Variants in LOXHD1 observed in about 807,000 individuals in gnomAD.
The protein encoded by LOXHD1 is lipoxygenase homology PLAT domains 1, also known as lipoxygenase homology domain-containing protein 1.
LOXHD1 carries 205 observed loss-of-function variants against 248.2 expected under a neutral mutation model. The ratio of observed to expected loss-of-function variants is 0.83; its 90% CI spans 0.74 to 0.93. The LOEUF (loss-of-function observed/expected upper bound fraction) is 0.93, where lower values mean the gene tolerates loss of function less well. Among genes scored for constraint, LOXHD1 ranks in the 40% least tolerant of loss-of-function variants. LOXHD1 has a pLI of 0.00. For synonymous variants in LOXHD1, 1,113 were observed against 1,162.8 expected (o/e 0.96, Z 0.87); for missense variants, 2,930 against 2,971.6 (o/e 0.99, Z 0.33).
At chr18:46,621,306 A>T (rs2038665458) in intron 4 of LOXHD1, among the ~76,000 whole-genome samples, 1 of 152,226 alleles carries the variant, frequency 6.6e-6, no homozygotes, top group African/African-American at 2.4e-5. Flanking sequence ...AAGTCCCCAT[A>T]CATGGATGCT....
At chr18:46,640,888 CT>C (rs2038954447) in intron 3 of LOXHD1, among the ~76,000 whole-genome samples, 1 of 152,178 alleles carries the variant, frequency 6.6e-6, no homozygotes, top group African/African-American at 2.4e-5. Context: ...CATCTTACCC[CT>C]GTGAGGCTTT....
At chr18:46,513,944 T>C (rs956061443) in intron 34 of LOXHD1, among the ~76,000 whole-genome samples, 1 of 152,120 alleles carries the variant, frequency 6.6e-6, no homozygotes, top group African/African-American at 2.4e-5. Context: ...TCAGTGATGA[T>C]GTAAGTGTCC....
chr18:46,610,625 G>A, intron 6 of LOXHD1, 151 bp downstream of exon 6: 1 of 796,544 alleles, frequency 1.3e-6, no homozygotes, highest in South Asian at 2.7e-5. Flanking sequence ...AGGCCATAAG[G>A]AGGACAGAAT....
At position 46,477,301 on chromosome 18, in the gene LOXHD1, T is replaced by C. The variant is rs1038514070; in HGVS notation, c.*171A>G. 1.5e-5 allele frequency: 13 copies of C among 862,716 alleles called. No individual in the cohort carries two copies. In the Admixed American group the frequency reaches 2.0e-4, roughly 13 times the overall value. 53.4% of individuals were successfully genotyped at this position (862,716 alleles called of 1,614,324 possible). The stretch of plus-strand genomic sequence containing the variant: ...TGACACATGCTAATTATTATCACTG[T>C]AGGTTCAATAAACTGGGGGTAGGGT... On this transcript the variant is annotated 3_prime_UTR_variant, in exon 41 of 41. Transcript: ENST00000642948.
At chr18:46,621,415 A>G (rs1032814048) in intron 4 of LOXHD1, among the ~76,000 whole-genome samples, 4 of 152,220 alleles carry the variant, frequency 2.6e-5, no homozygotes, top group Non-Finnish European at 4.4e-5. Flanking sequence ...AACAAGGCCC[A>G]TGGCCCAATG....
At chr18:46,523,619 A>G (rs1039818024) in intron 31 of LOXHD1, among the ~76,000 whole-genome samples, 2 of 152,082 alleles carry the variant, frequency 1.3e-5, no homozygotes, top group Non-Finnish European at 2.9e-5. Context: ...GGAAGACACT[A>G]CCCTGGCATA....
intron 5 of LOXHD1, 122 bp from the exon 6 acceptor site, chr18:46,611,046 G>A: frequency 8.7e-7 from 1 of 1,146,242 alleles, no homozygotes; most frequent in Non-Finnish European, 1.2e-6. Flanking sequence ...TTCCTCCTGA[G>A]ATCTAAGGGC....
intron 4 of LOXHD1, among the ~76,000 whole-genome samples, chr18:46,629,624 C>T (rs2038792768): frequency 6.6e-6 from 1 of 151,964 alleles, no homozygotes; most frequent in South Asian, 2.1e-4. Context: ...GTGTGATAAT[C>T]ATTGTGTGGC....
At chr18:46,527,204 CATTT>C (rs904886464) in intron 29 of LOXHD1, among the ~76,000 whole-genome samples, 4 of 151,756 alleles carry the variant, frequency 2.6e-5, no homozygotes, top group Non-Finnish European at 5.9e-5. Flanking sequence ...TGCTTCCATT[CATTT>C]ATTTACTTAA....
intron 15 of LOXHD1, among the ~76,000 whole-genome samples, chr18:46,570,209 C>A (rs1478540017): frequency 6.6e-6 from 1 of 152,226 alleles, no homozygotes; most frequent in Non-Finnish European, 1.5e-5. Context: ...TTCACTGGGC[C>A]ACCACGAGGG....
chr18:46,629,859 T>C (rs1219008490), intron 4 of LOXHD1, among the ~76,000 whole-genome samples: 1 of 144,628 alleles, frequency 6.9e-6, no homozygotes, highest in Non-Finnish European at 1.5e-5. Flanking sequence ...AGAATGGGAG[T>C]CCAGATGTAA....
chr18:46,596,740 A>T (rs1020779397), intron 8 of LOXHD1, among the ~76,000 whole-genome samples: 3 of 152,216 alleles, frequency 2.0e-5, no homozygotes, highest in Non-Finnish European at 2.9e-5. Context: ...GGAGAATACC[A>T]AAAACAAGAT....
chr18:46,619,723 C>G (rs995407564), intron 4 of LOXHD1, among the ~76,000 whole-genome samples: 5 of 152,158 alleles, frequency 3.3e-5, no homozygotes, highest in African/African-American at 1.2e-4. Context: ...CTGCAGGAGC[C>G]CCACAGAGGA....
chr18:46,569,450 T>G lies in LOXHD1; in HGVS notation c.2236A>C (p.Ile746Leu). Residue 746 changes from isoleucine to leucine, a missense_variant, in exon 16 of 41, where the codon ATT becomes CTT. Coordinates refer to ENST00000642948, the MANE Select transcript of LOXHD1 (RefSeq NM_001384474.1). The stretch of plus-strand genomic sequence containing the variant: ...TTGGGAAGGAGACTTACATTTCCAA[T>G]GTTCAGGGTCTCGAGGGTGAACTCA... ...VDEFTLETLN[I>L]GNINRLVIGH... The G allele has an allele frequency of 6.4e-7, 1 of 1,551,732 alleles. No individual in the cohort carries two copies. The highest frequency in any genetic ancestry group is 8.7e-7 in the Non-Finnish European group (1 of 1,146,722).
intron 26 of LOXHD1, among the ~76,000 whole-genome samples, chr18:46,535,509 G>A (rs867802475): frequency 6.6e-5 from 10 of 152,170 alleles, no homozygotes; most frequent in African/African-American, 2.4e-4. Context: ...GGATGCAGAG[G>A]AGAATCTCTG....
chr18:46,529,334 GGGCA>G lies in LOXHD1; in HGVS notation c.4376-7_4376-4del. On this transcript the variant is annotated splice_region_variant and splice_polypyrimidine_tract_variant and intron_variant, in intron 28 of 40. Coordinates refer to ENST00000642948, the MANE Select transcript of LOXHD1 (RefSeq NM_001384474.1). ...GATCTGCACCGAGTACAGCACAACTGGGCAGGTGGTGGGACAGACAGACAGACAA... is the reference window on the plus strand; with the variant it reads ...GATCTGCACCGAGTACAGCACAACTGGGTGGTGGGACAGACAGACAGACAA... 2.0e-6 allele frequency: 3 copies of G among 1,534,196 alleles called. No homozygotes were observed. Among genetic ancestry groups the G allele is most frequent in the Non-Finnish European group, 2.6e-6 (3 of 1,134,426 alleles).
At chr18:46,496,987 A>G (rs1020568) in intron 37 of LOXHD1, among the ~76,000 whole-genome samples, 53,134 of 152,146 alleles carry the variant, frequency 0.35, 10,662 homozygotes, top group East Asian at 0.61. Context: ...TGGGCAACAG[A>G]GTGAGACTCC....
At chr18:46,484,109 G>A (rs1472929151) in intron 39 of LOXHD1, among the ~76,000 whole-genome samples, 1 of 152,106 alleles carries the variant, frequency 6.6e-6, no homozygotes, top group Non-Finnish European at 1.5e-5. Flanking sequence ...GTGTGGAGGT[G>A]CAGATATTTC....
chr18:46,538,783 A>AG (rs2036431512), intron 25 of LOXHD1, among the ~76,000 whole-genome samples: 1 of 152,170 alleles, frequency 6.6e-6, no homozygotes, highest in East Asian at 1.9e-4. Context: ...ACTAGATTTC[A>AG]GGGGGCAACT....
Sources: gnomAD v4.1 joint callset for allele counts (sites outside exome capture counted in the v4.1 genomes callset) on GRCh38, gnomAD v4.1.1 for gene constraint, MANE v1.5 for transcripts, NCBI Gene and HGNC (gene_info 2026-07-23, HGNC 2026-07-21) for gene names.